MAF: variants seen among roughly 807,000 people sequenced by gnomAD.
MAF encodes MAF bZIP transcription factor, also known as transcription factor Maf.
In MAF, 10 loss-of-function variants were observed where a neutral mutation model predicts 22.0. That is an observed-to-expected ratio of 0.45 (90% CI 0.28 to 0.77). MAF has a LOEUF of 0.77. Among genes scored for constraint, MAF ranks in the 30% least tolerant of loss-of-function variants. The probability of loss-of-function intolerance (pLI) is 0.12; values close to 1 mark genes in which losing one functional copy is unlikely to be tolerated. For missense variants in MAF, 544 were observed against 548.4 expected (o/e 0.99, Z 0.08); for synonymous variants, 337 against 255.8 (o/e 1.32, Z -3.03).
the MAF span, among the ~76,000 whole-genome samples, chr16:79,505,206 G>C: frequency 6.6e-6 from 1 of 152,072 alleles, no homozygotes; most frequent in Non-Finnish European, 1.5e-5. Context: ...GTAAAGCATT[G>C]ACATTTTTCT....
At chr16:79,553,396 G>A in the MAF span, among the ~76,000 whole-genome samples, 3 of 152,358 alleles carry the variant, frequency 2.0e-5, no homozygotes, top group African/African-American at 7.2e-5. Context: ...CTGGTGTGAG[G>A]CAGCCCTGGA....
chr16:79,412,872 G>T, the MAF span, among the ~76,000 whole-genome samples: 1 of 152,224 alleles, frequency 6.6e-6, no homozygotes, highest in East Asian at 1.9e-4. Context: ...ATCAGTGCTT[G>T]TCCTGAAATC....
the MAF span, among the ~76,000 whole-genome samples, chr16:79,334,545 T>A: frequency 3.3e-5 from 5 of 152,192 alleles, no homozygotes; most frequent in South Asian, 1.0e-3. Context: ...GATCTTAGGA[T>A]TGTATGATTA....
the MAF span, among the ~76,000 whole-genome samples, chr16:79,460,261 C>T: frequency 6.6e-6 from 1 of 152,080 alleles, no homozygotes; most frequent in Non-Finnish European, 1.5e-5. Context: ...CCGGATTGGG[C>T]ATTATGCTTA....
the MAF span, among the ~76,000 whole-genome samples, chr16:79,308,315 ATAAGGTGT>A: frequency 1.3e-5 from 2 of 152,198 alleles, no homozygotes; most frequent in Non-Finnish European, 2.9e-5. Flanking sequence ...TTTTAAGAAG[ATAAGGTGT>A]TAACTTACAA....
At chr16:79,266,791 G>A in the MAF span, among the ~76,000 whole-genome samples, 1 of 152,166 alleles carries the variant, frequency 6.6e-6, no homozygotes, top group Non-Finnish European at 1.5e-5. Context: ...GGGCTTGGAA[G>A]GCAAGGCACC....
chr16:79,213,457 C>A, the MAF span, among the ~76,000 whole-genome samples: 1 of 151,302 alleles, frequency 6.6e-6, no homozygotes, highest in African/African-American at 2.4e-5. Context: ...CAAAAGCAGC[C>A]GTCAGAACTC....
At chr16:79,220,578 G>A in the MAF span, among the ~76,000 whole-genome samples, 1 of 151,856 alleles carries the variant, frequency 6.6e-6, no homozygotes, top group Non-Finnish European at 1.5e-5. Context: ...TTTTATTCTT[G>A]GAGAGTTAAA....
At chr16:79,450,889 G>C in the MAF span, among the ~76,000 whole-genome samples, 1 of 151,868 alleles carries the variant, frequency 6.6e-6, no homozygotes, top group Non-Finnish European at 1.5e-5. Context: ...GAAATTAAGA[G>C]GAAACTTGAT....
the MAF span, among the ~76,000 whole-genome samples, chr16:79,401,685 TAATC>T: frequency 6.6e-6 from 1 of 152,130 alleles, no homozygotes; most frequent in South Asian, 2.1e-4. Context: ...ATAATAATAA[TAATC>T]AATGAAATTT....
At chr16:79,456,581 G>A in the MAF span, among the ~76,000 whole-genome samples, 13 of 152,292 alleles carry the variant, frequency 8.5e-5, 1 homozygote, top group Admixed American at 7.8e-4. Context: ...TCAGAGTATG[G>A]GAGAAGGATG....
At chr16:79,414,407 A>G in the MAF span, among the ~76,000 whole-genome samples, 1 of 152,166 alleles carries the variant, frequency 6.6e-6, no homozygotes, top group Non-Finnish European at 1.5e-5. Context: ...GGAAGATGCC[A>G]GGTTGTTTTA....
At chr16:79,254,717 T>C in the MAF span, among the ~76,000 whole-genome samples, 15 of 152,170 alleles carry the variant, frequency 9.9e-5, no homozygotes, top group Non-Finnish European at 2.2e-4. Context: ...CAAGAAACTC[T>C]CCACTCAGTT....
the MAF span, among the ~76,000 whole-genome samples, chr16:79,331,627 G>T: frequency 6.6e-6 from 1 of 152,128 alleles, no homozygotes; most frequent in South Asian, 2.1e-4. Flanking sequence ...TTTCCTCTGG[G>T]CTCCATACAA....
At chr16:79,249,590 C>T in the MAF span, among the ~76,000 whole-genome samples, 1 of 152,218 alleles carries the variant, frequency 6.6e-6, no homozygotes, top group Non-Finnish European at 1.5e-5. Context: ...AAATAAATCT[C>T]TATTGTTTAT....
At chr16:79,383,577 C>G in the MAF span, among the ~76,000 whole-genome samples, 7 of 152,186 alleles carry the variant, frequency 4.6e-5, no homozygotes, top group Non-Finnish European at 8.8e-5. Context: ...TCTCAAGAAG[C>G]CATGTGACGC....
At chr16:79,592,097 T>A (rs570436545), downstream of MAF, among the ~76,000 whole-genome samples, 1 of 152,214 alleles carries the variant, frequency 6.6e-6, no homozygotes, top group African/African-American at 2.4e-5. Context: ...GCTTTTAAAG[T>A]TCCCCTTTCT....
the MAF span, among the ~76,000 whole-genome samples, chr16:79,565,044 C>G: frequency 6.6e-6 from 1 of 152,160 alleles, no homozygotes; most frequent in Non-Finnish European, 1.5e-5. Flanking sequence ...TGACATCATT[C>G]AGCTGTGGAA....
chr16:79,594,621 G>A, intron 1 of MAF, 68 bp from the exon 2 acceptor site: 2 of 1,532,290 alleles, frequency 1.3e-6, no homozygotes, highest in Non-Finnish European at 1.8e-6. Context: ...AAAGGGGAAA[G>A]CTAGATTTCC....
Sources: allele counts gnomAD v4.1 joint callset (sites outside exome capture counted in the v4.1 genomes callset), GRCh38; gene constraint gnomAD v4.1.1; transcripts MANE v1.5; gene names NCBI Gene and HGNC (gene_info 2026-07-23, HGNC 2026-07-21).